The following RHOT1 variants were observed in gnomAD, a reference collection of about 807,000 sequenced individuals.
RHOT1 encodes the protein mitochondrial Rho GTPase 1.
A neutral mutation model predicts 95.3 loss-of-function variants in RHOT1; 27 were observed. The ratio of observed to expected loss-of-function variants is 0.28; its 90% CI spans 0.21 to 0.39. The LOEUF (loss-of-function observed/expected upper bound fraction) is 0.39, where lower values mean the gene tolerates loss of function less well. Ranked by LOEUF, RHOT1 falls within the 10% of genes least tolerant of loss-of-function variation. RHOT1 has a pLI of 1.00. For synonymous variants in RHOT1, 227 were observed against 263.5 expected (o/e 0.86, Z 1.34); for missense variants, 578 against 786.7 (o/e 0.73, Z 3.17).
chr17:32,171,156 A>T, intron 2 of RHOT1, 55 bp downstream of exon 2: 2 of 1,186,448 alleles, frequency 1.7e-6, no homozygotes, highest in Non-Finnish European at 2.4e-6. Context: ...AAATCAAATT[A>T]AAATGAACTG....
At chr17:32,166,883 TA>T (rs1296450218) in intron 1 of RHOT1, among the ~76,000 whole-genome samples, 1 of 152,244 alleles carries the variant, frequency 6.6e-6, no homozygotes, top group Non-Finnish European at 1.5e-5. Context: ...CTGATAATGT[TA>T]CTTTGATCTC....
At chr17:32,188,843 C>G (rs1246206227) in intron 8 of RHOT1, among the ~76,000 whole-genome samples, 1 of 152,184 alleles carries the variant, frequency 6.6e-6, no homozygotes, top group Non-Finnish European at 1.5e-5. Flanking sequence ...GTGCCAACTC[C>G]TGGTATAAAT....
chr17:32,173,417 AT>A, intron 2 of RHOT1, among the ~76,000 whole-genome samples: 1 of 152,300 alleles, frequency 6.6e-6, no homozygotes, highest in Admixed American at 6.5e-5. Context: ...ATTTTGGAAC[AT>A]TTCAGATTTC....
At chr17:32,223,410 T>G (rs1284512665) in intron 19 of RHOT1, among the ~76,000 whole-genome samples, 1 of 151,406 alleles carries the variant, frequency 6.6e-6, no homozygotes. Flanking sequence ...TAAGTTTTCT[T>G]TTCTTTCTTT....
At chr17:32,214,930 G>A (rs1343644406) in intron 19 of RHOT1, among the ~76,000 whole-genome samples, 1 of 89,120 alleles carries the variant, frequency 1.1e-5, no homozygotes, top group Non-Finnish European at 2.0e-5. Context: ...TTTTTGAGAT[G>A]GAGTCTCACC....
intron 1 of RHOT1, among the ~76,000 whole-genome samples, chr17:32,146,858 GA>G (rs954659497): frequency 1.6e-4 from 24 of 151,120 alleles, no homozygotes; most frequent in Non-Finnish European, 2.4e-4. Flanking sequence ...AAGTAGCTGG[GA>G]TGACAGGCAT....
intron 1 of RHOT1, among the ~76,000 whole-genome samples, chr17:32,158,905 C>T (rs2033250937): frequency 6.6e-6 from 1 of 152,212 alleles, no homozygotes; most frequent in Non-Finnish European, 1.5e-5. Context: ...CTGGAGTGGC[C>T]ATCAGCTGCA....
At chr17:32,209,594 G>C (rs532432946) in intron 18 of RHOT1, 4 of 538,512 alleles carry the variant, frequency 7.4e-6, no homozygotes, top group Non-Finnish European at 1.0e-5. Context: ...TATATATTAC[G>C]TTGTCTTCCT....
chr17:32,175,358 C>A lies in RHOT1; in HGVS notation c.218C>A (p.Ser73Tyr). The A allele has an allele frequency of 2.5e-6, 4 of 1,612,824 alleles. No individual in the cohort carries two copies. The highest frequency in any genetic ancestry group is 3.4e-6 in the Non-Finnish European group (4 of 1,178,842). ...GATGAACAACTTCATCAAGAAATAT[C>A]TCAGGTGAGCTTTAAAAAACAGAGG... ...QSDEQLHQEI[S>Y]QANVICIVYA... The change falls in exon 4 of 20, where the codon TCT (serine) becomes TAT (tyrosine). Residue 73 changes from serine to tyrosine, a missense_variant. Physicochemically the swap from Ser to Tyr is moderately radical, Grantham distance 144. Around this residue, in one of 4 missense-constraint regions of RHOT1, gnomAD observed 51 missense variants for 114.7 expected, o/e 0.44. Coordinates refer to ENST00000545287, the MANE Select transcript of RHOT1 (RefSeq NM_001033566.3).
intron 1 of RHOT1, among the ~76,000 whole-genome samples, chr17:32,154,904 A>G (rs576934696): frequency 6.6e-6 from 1 of 151,880 alleles, no homozygotes; most frequent in South Asian, 2.1e-4. Context: ...AAAAAAAAAA[A>G]AAAATTAGCT....
At chr17:32,206,222 T>TTTTG (rs2037718133) in intron 16 of RHOT1, among the ~76,000 whole-genome samples, 3 of 124,660 alleles carry the variant, frequency 2.4e-5, no homozygotes, top group Non-Finnish European at 3.3e-5. Flanking sequence ...TTTTTTTTTT[T>TTTTG]GAGACAAGGT....
chr17:32,201,060 AGTATCTAGATACT>A lies in RHOT1; in HGVS notation c.1201+7_1201+19del. ...TCTCAAGCTTCAGCTGTTACAGGTA[AGTATCTAGATACT>A]GTTCAGCTCATGATTAGAGATATTT... On this transcript the variant is annotated splice_donor_5th_base_variant and intron_variant, in intron 14 of 19. Coordinates refer to ENST00000545287, the MANE Select transcript of RHOT1 (RefSeq NM_001033566.3). 6.5e-7 allele frequency: 1 copy of A among 1,546,492 alleles called. No individual in the cohort carries two copies. The highest frequency in any genetic ancestry group is 1.7e-4 in the Middle Eastern group (1 of 5,880).
At chr17:32,169,819 G>A (rs987220688) in intron 1 of RHOT1, among the ~76,000 whole-genome samples, 7 of 151,946 alleles carry the variant, frequency 4.6e-5, no homozygotes, top group Admixed American at 6.6e-5. Flanking sequence ...CATCCTGGGC[G>A]ACATGACGAA....
intron 1 of RHOT1, among the ~76,000 whole-genome samples, chr17:32,158,685 C>G (rs1233079510): frequency 1.3e-5 from 2 of 151,836 alleles, no homozygotes; most frequent in Non-Finnish European, 2.9e-5. Context: ...GTCTTGATCT[C>G]TTGACCTCGT....
At chr17:32,196,097 AT>A (rs752380250) in intron 11 of RHOT1, among the ~76,000 whole-genome samples, 3 of 151,618 alleles carry the variant, frequency 2.0e-5, no homozygotes, top group Non-Finnish European at 4.4e-5. Flanking sequence ...TATCCTTCAC[AT>A]TACTGCTAGA....
At chr17:32,177,613 G>A (rs2035111808) in intron 6 of RHOT1, among the ~76,000 whole-genome samples, 4 of 151,636 alleles carry the variant, frequency 2.6e-5, no homozygotes, top group Admixed American at 2.6e-4. Context: ...AAATTAGCTG[G>A]GTGTGGTGGG....
chr17:32,149,631 ATATATG>A (rs1414408285), intron 1 of RHOT1, among the ~76,000 whole-genome samples: 137 of 88,070 alleles, frequency 1.6e-3, no homozygotes, highest in East Asian at 1.9e-3. Flanking sequence ...ATATATATAT[ATATATG>A]TGTGTGTGTG....
chr17:32,176,352 A>G, intron 6 of RHOT1, 139 bp downstream of exon 6: 2 of 677,256 alleles, frequency 3.0e-6, no homozygotes, highest in South Asian at 2.0e-5. Flanking sequence ...TGCCTTATCT[A>G]TCAGTTTTTC....
chr17:32,189,094 C>G (rs796966753), intron 8 of RHOT1, among the ~76,000 whole-genome samples: 1 of 152,198 alleles, frequency 6.6e-6, no homozygotes, highest in African/African-American at 2.4e-5. Context: ...GGTAGGATAT[C>G]GAGACCATCC....
Sources: allele counts gnomAD v4.1 joint callset (sites outside exome capture counted in the v4.1 genomes callset), GRCh38; gene constraint gnomAD v4.1.1; regional missense constraint gnomAD v4.1.1; transcripts MANE v1.5; gene names NCBI Gene and HGNC (gene_info 2026-07-23, HGNC 2026-07-21).